AFG2A: variants seen among roughly 807,000 people sequenced by gnomAD.
The protein encoded by AFG2A is AAA ATPase AFG2A, also known as ATPase family gene 2 protein homolog A.
chr4:123,057,215 C>T, the AFG2A span: 93 of 1,613,614 alleles, frequency 5.8e-5, no homozygotes, highest in Non-Finnish European at 4.9e-5. Context: ...CCAGACCTTC[C>T]GAAAAGCAAG....
At chr4:122,981,750 C>T in the AFG2A span, among the ~76,000 whole-genome samples, 9 of 151,680 alleles carry the variant, frequency 5.9e-5, no homozygotes, top group African/African-American at 9.7e-5. Context: ...TAAGTTTTTT[C>T]GGTATATTTA....
At chr4:123,034,446 TC>T in the AFG2A span, among the ~76,000 whole-genome samples, 3 of 151,768 alleles carry the variant, frequency 2.0e-5, no homozygotes, top group Non-Finnish European at 4.4e-5. Flanking sequence ...TGACTAGTAC[TC>T]CTCAAAACTG....
the AFG2A span, among the ~76,000 whole-genome samples, chr4:123,227,023 G>C: frequency 6.6e-6 from 1 of 152,076 alleles, no homozygotes; most frequent in South Asian, 2.1e-4. Flanking sequence ...ATTCTCTGAT[G>C]GTAGTTTGTA....
the AFG2A span, among the ~76,000 whole-genome samples, chr4:123,169,089 T>C: frequency 6.6e-6 from 1 of 152,294 alleles, no homozygotes; most frequent in East Asian, 1.9e-4. Context: ...GCACTTTCAA[T>C]GCAGATGGGG....
At chr4:123,243,545 A>G in the AFG2A span, among the ~76,000 whole-genome samples, 3 of 152,138 alleles carry the variant, frequency 2.0e-5, no homozygotes, top group East Asian at 5.8e-4. Flanking sequence ...GGAATTGAAC[A>G]ATGAGAACAC....
chr4:123,155,639 A>T, the AFG2A span, among the ~76,000 whole-genome samples: 18 of 150,356 alleles, frequency 1.2e-4, no homozygotes, highest in African/African-American at 4.4e-4. Flanking sequence ...AACTATCTGT[A>T]GCATTTACAT....
At chr4:123,256,208 A>G in the AFG2A span, 2 of 1,609,044 alleles carry the variant, frequency 1.2e-6, no homozygotes, top group Non-Finnish European at 1.7e-6. Context: ...AAAATACCTT[A>G]GTGGGAGGAA....
the AFG2A span, among the ~76,000 whole-genome samples, chr4:123,064,703 C>A: frequency 6.6e-6 from 1 of 152,154 alleles, no homozygotes; most frequent in African/African-American, 2.4e-5. Context: ...TTCTATTGTC[C>A]AGGACATTTC....
At chr4:123,181,486 A>C in the AFG2A span, among the ~76,000 whole-genome samples, 1 of 152,148 alleles carries the variant, frequency 6.6e-6, no homozygotes, top group African/African-American at 2.4e-5. Context: ...GGTCACATGC[A>C]CCTGTAGTCC....
chr4:123,235,498 C>T, the AFG2A span, among the ~76,000 whole-genome samples: 153 of 152,220 alleles, frequency 1.0e-3, no homozygotes, highest in African/African-American at 3.7e-3. Flanking sequence ...TGGAGATGAA[C>T]ATGTATTGAA....
At chr4:123,187,268 T>A in the AFG2A span, among the ~76,000 whole-genome samples, 1 of 152,340 alleles carries the variant, frequency 6.6e-6, no homozygotes, top group East Asian at 1.9e-4. Flanking sequence ...ACTTTATGTA[T>A]AAGCTCTTTG....
chr4:123,299,319 C>G, the AFG2A span, among the ~76,000 whole-genome samples: 51 of 152,158 alleles, frequency 3.4e-4, no homozygotes, highest in Admixed American at 3.3e-3. Flanking sequence ...TGTGTCAAAA[C>G]TGGTCTGGTT....
the AFG2A span, among the ~76,000 whole-genome samples, chr4:123,006,371 T>C: frequency 6.6e-6 from 1 of 152,152 alleles, no homozygotes; most frequent in African/African-American, 2.4e-5. Flanking sequence ...TGTGCCTTGG[T>C]AGTTTTCTTC....
chr4:123,098,364 T>C, the AFG2A span, among the ~76,000 whole-genome samples: 31 of 152,196 alleles, frequency 2.0e-4, no homozygotes, highest in Non-Finnish European at 3.7e-4. Context: ...TACTTCTTAT[T>C]TTTTTGTGAT....
At chr4:123,074,847 AT>A in the AFG2A span, among the ~76,000 whole-genome samples, 2 of 152,270 alleles carry the variant, frequency 1.3e-5, no homozygotes, top group Admixed American at 1.3e-4. Flanking sequence ...TTCTTCTTTC[AT>A]TTATAGAATT....
the AFG2A span, among the ~76,000 whole-genome samples, chr4:122,964,503 A>G: frequency 3.3e-4 from 3 of 8,982 alleles, no homozygotes; most frequent in East Asian, 0.15. Context: ...GACTGTCTCA[A>G]AAAAAAAAAA....
At chr4:122,965,623 A>G in the AFG2A span, among the ~76,000 whole-genome samples, 1 of 152,172 alleles carries the variant, frequency 6.6e-6, no homozygotes, top group Non-Finnish European at 1.5e-5. Flanking sequence ...TTTTATTTCA[A>G]AATTGTGTTT....
the AFG2A span, among the ~76,000 whole-genome samples, chr4:123,145,529 G>A: frequency 0.61 from 92,584 of 152,004 alleles, 33,053 homozygotes; most frequent in East Asian, 0.97. Context: ...CCTTTTACAT[G>A]AGGGGAATCT....
At chr4:123,207,544 C>T in the AFG2A span, among the ~76,000 whole-genome samples, 2 of 152,034 alleles carry the variant, frequency 1.3e-5, no homozygotes, top group Non-Finnish European at 2.9e-5. Flanking sequence ...AGGGTGGTCT[C>T]GAACTCCTGG....
Sources: gnomAD v4.1 joint callset for allele counts (sites outside exome capture counted in the v4.1 genomes callset) on GRCh38, gnomAD v4.1.1 for gene constraint, MANE v1.5 for transcripts, NCBI Gene and HGNC (gene_info 2026-07-23, HGNC 2026-07-21) for gene names.